CSMD1: variants seen among roughly 807,000 people sequenced by gnomAD.
CSMD1 encodes the protein CUB and Sushi multiple domains 1.
CSMD1 carries 213 observed loss-of-function variants against 417.5 expected under a neutral mutation model. The observed-to-expected ratio is 0.51, with a 90% CI of 0.46 to 0.57. The LOEUF is 0.57. CSMD1 is among the 20% of genes least tolerant of loss of function. The pLI, the probability that CSMD1 is intolerant of heterozygous loss-of-function variation, is 0.00. For synonymous variants in CSMD1, 2,862 were observed against 1,736.8 expected (o/e 1.65, Z -16.11); for missense variants, 6,923 against 4,529.7 (o/e 1.53, Z -15.17).
intron 5 of CSMD1, among the ~76,000 whole-genome samples, chr8:3,947,974 G>A (rs778158029): frequency 1.3e-5 from 2 of 152,188 alleles, no homozygotes; most frequent in Non-Finnish European, 2.9e-5. Context: ...GGGAGGCCAA[G>A]GCAGGTGGAT....
chr8:4,112,305 T>C (rs1336729164), intron 3 of CSMD1, among the ~76,000 whole-genome samples: 2 of 152,152 alleles, frequency 1.3e-5, no homozygotes, highest in Non-Finnish European at 2.9e-5. Context: ...CCCGCACATT[T>C]ACACAGACTC....
chr8:3,934,780 G>C (rs1169875812), intron 5 of CSMD1, among the ~76,000 whole-genome samples: 1 of 152,144 alleles, frequency 6.6e-6, no homozygotes, highest in Non-Finnish European at 1.5e-5. Flanking sequence ...CTGGGAAGCA[G>C]AGGTTACAGT....
chr8:4,135,672 G>A (rs1450314543), intron 3 of CSMD1, among the ~76,000 whole-genome samples: 1 of 151,858 alleles, frequency 6.6e-6, no homozygotes, highest in African/African-American at 2.4e-5. Context: ...CAAAATATTT[G>A]GATATTTTGC....
rs912116940 is a variant in CSMD1, at chr8:4,070,420, G to C, written c.416-38321C>G. ...TCGCCCAGGCTGGAGTGCAGTGGTGGGATCTCGGCTCACTGCAAGCTCCGC... is the reference window on the plus strand; with the variant it reads ...TCGCCCAGGCTGGAGTGCAGTGGTGCGATCTCGGCTCACTGCAAGCTCCGC... On this transcript the variant is annotated intron_variant, in intron 3 of 69. Coordinates refer to ENST00000635120, the MANE Select transcript of CSMD1 (RefSeq NM_033225.6). 2.2e-4 allele frequency among the ~76,000 whole-genome samples: 34 copies of C among 151,656 alleles called. 1 individual carries two copies. The highest frequency in any genetic ancestry group is 6.3e-4 in the South Asian group (3 of 4,764).
At chr8:3,999,765 A>G (rs1815514788) in intron 4 of CSMD1, among the ~76,000 whole-genome samples, 1 of 152,162 alleles carries the variant, frequency 6.6e-6, no homozygotes, top group Non-Finnish European at 1.5e-5. Flanking sequence ...GAGGAAAATT[A>G]CTACCTTCAA....
intron 1 of CSMD1, among the ~76,000 whole-genome samples, chr8:4,965,650 A>C (rs905401921): frequency 1.3e-5 from 2 of 152,232 alleles, no homozygotes; most frequent in Non-Finnish European, 2.9e-5. Context: ...TATAAGTGGA[A>C]TGAAAGTACA....
chr8:4,933,179 T>G (rs570783331), intron 1 of CSMD1, among the ~76,000 whole-genome samples: 2 of 152,290 alleles, frequency 1.3e-5, no homozygotes, highest in East Asian at 3.9e-4. Context: ...TTCCCCTTCC[T>G]TTCTTCCTTG....
chr8:2,941,046 T>G (rs914611896), intron 69 of CSMD1, among the ~76,000 whole-genome samples: 11 of 152,220 alleles, frequency 7.2e-5, no homozygotes, highest in Non-Finnish European at 1.3e-4. Flanking sequence ...AATTTTAAAT[T>G]AGTCCTGAGC....
chr8:4,412,870 T>G (rs1024148949), intron 3 of CSMD1, among the ~76,000 whole-genome samples: 1 of 152,044 alleles, frequency 6.6e-6, no homozygotes, highest in Non-Finnish European at 1.5e-5. Flanking sequence ...AACAAGGAAT[T>G]CAGAACAAGA....
At position 4,227,520 on chromosome 8, in the gene CSMD1, A is replaced by C. The variant is rs550566439; in HGVS notation, c.415+192433T>G. Among the ~76,000 whole-genome samples, 3 of 152,174 alleles carry C rather than the reference A, an allele frequency of 2.0e-5. No individual in the cohort carries two copies. The South Asian group carries it at 6.2e-4, about 32-fold the overall frequency. ...CTGGAGGAGCGCATTAAATCCACAC[A>C]TTATAGACCTAACTGAGAAGCAGGG... is the stretch of plus-strand genomic sequence containing the variant. On this transcript the variant is annotated intron_variant, in intron 3 of 69. Coordinates refer to ENST00000635120, the MANE Select transcript of CSMD1 (RefSeq NM_033225.6).
rs538234525 is a variant in CSMD1 at position 4,664,333 on chromosome 8, G to A, written c.86-26775C>T. On this transcript the variant is annotated intron_variant, in intron 1 of 69. Transcript: ENST00000635120. Reference sequence around the variant, plus strand: ...TCAGCACTGTGGAAGGCTGAGGCGGGCGGATCACTTGAGCTCAGGAGTTCT... The same window carrying A: ...TCAGCACTGTGGAAGGCTGAGGCGGACGGATCACTTGAGCTCAGGAGTTCT... 1.8e-4 allele frequency among the ~76,000 whole-genome samples: 28 copies of A among 152,300 alleles called. 1 individual carries two copies. The highest frequency in any genetic ancestry group is 1.7e-3 in the Admixed American group (26 of 15,302).
chr8:4,777,435 T>C (rs778517945), intron 1 of CSMD1, among the ~76,000 whole-genome samples: 1 of 152,116 alleles, frequency 6.6e-6, no homozygotes, highest in Admixed American at 6.6e-5. Context: ...CTCCCTTAGG[T>C]CACAATTGTT....
intron 18 of CSMD1, among the ~76,000 whole-genome samples, chr8:3,386,107 C>A (rs76384450): frequency 2.6e-5 from 4 of 152,104 alleles, no homozygotes; most frequent in Admixed American, 2.6e-4. Flanking sequence ...GTGCTTACAC[C>A]ATATTCCCTA....
chr8:4,901,162 G>A (rs553358790), intron 1 of CSMD1, among the ~76,000 whole-genome samples: 1 of 152,166 alleles, frequency 6.6e-6, no homozygotes, highest in Non-Finnish European at 1.5e-5. Context: ...GGCTAAGAAA[G>A]ATTTTCTTAA....
intron 1 of CSMD1, among the ~76,000 whole-genome samples, chr8:4,772,063 C>A (rs765641716): frequency 3.9e-5 from 6 of 152,192 alleles, no homozygotes; most frequent in Non-Finnish European, 8.8e-5. Flanking sequence ...AACCAGGTAT[C>A]GGCAGGCTGT....
At chr8:3,351,696 GAAT>G (rs1457060159) in intron 21 of CSMD1, among the ~76,000 whole-genome samples, 1 of 147,904 alleles carries the variant, frequency 6.8e-6, no homozygotes, top group Non-Finnish European at 1.5e-5. Context: ...AATGATATAC[GAAT>G]AATTGTATAT....
chr8:3,395,201 A>G (rs1329135357), intron 17 of CSMD1, among the ~76,000 whole-genome samples: 5 of 152,218 alleles, frequency 3.3e-5, no homozygotes, highest in Non-Finnish European at 7.3e-5. Context: ...GTAAATTTTA[A>G]AAACATCTTT....
chr8:4,315,923 A>G (rs1798898958), intron 3 of CSMD1, among the ~76,000 whole-genome samples: 1 of 152,194 alleles, frequency 6.6e-6, no homozygotes, highest in Admixed American at 6.5e-5. Flanking sequence ...AAATGTACAA[A>G]ATGAAATATA....
intron 5 of CSMD1, among the ~76,000 whole-genome samples, chr8:3,964,135 A>T (rs1427310830): frequency 1.3e-5 from 2 of 152,230 alleles, no homozygotes; most frequent in Non-Finnish European, 2.9e-5. Flanking sequence ...TTTGCGTAAA[A>T]TTCACCCAAG....
Sources: gnomAD v4.1 joint callset for allele counts (sites outside exome capture counted in the v4.1 genomes callset) on GRCh38, gnomAD v4.1.1 for gene constraint, MANE v1.5 for transcripts, NCBI Gene and HGNC (gene_info 2026-07-23, HGNC 2026-07-21) for gene names.